UIMC1: variants seen among roughly 807,000 people sequenced by gnomAD.
UIMC1 encodes the protein ubiquitin interaction motif containing 1.
A neutral mutation model predicts 84.9 loss-of-function variants in UIMC1; 42 were observed. The ratio of observed to expected loss-of-function variants is 0.49; its 90% CI spans 0.39 to 0.64. The LOEUF (loss-of-function observed/expected upper bound fraction) is 0.64. Ranked by LOEUF, UIMC1 falls within the 30% of genes least tolerant of loss-of-function variation. The pLI, the probability that UIMC1 is intolerant of heterozygous loss-of-function variation, is 0.00. For missense variants in UIMC1, 825 were observed against 847.6 expected, an observed-to-expected ratio of 0.97 and a Z score of 0.33; for synonymous variants, 281 against 293.0, an observed-to-expected ratio of 0.96 and a Z score of 0.42.
Position 176,951,680 on chromosome 5 carries a change from T to C in UIMC1, c.1340-103A>G, listed in dbSNP as rs567559086. The C allele has an allele frequency of 6.6e-6, 5 of 756,160 alleles. No individual in the cohort carries two copies. The East Asian group carries it at 1.1e-4, about 17-fold the overall frequency. 46.8% of individuals were successfully genotyped at this position (756,160 alleles called of 1,614,324 possible). A position where few individuals can be genotyped will look rare whatever the true frequency, so the allele number is the denominator to read the frequency against. On this transcript the variant is annotated intron_variant, in intron 8 of 14. Coordinates refer to ENST00000511320, the MANE Select transcript of UIMC1 (RefSeq NM_001199298.2). ...TCACCTAAAGTTTAGGATATGACAATACTGTGGTGGCAATATATTAATAGA... is the reference window on the plus strand; with the variant it reads ...TCACCTAAAGTTTAGGATATGACAACACTGTGGTGGCAATATATTAATAGA...
chr5:177,008,616 G>T (rs1368355210), upstream of UIMC1, among the ~76,000 whole-genome samples: 1 of 152,136 alleles, frequency 6.6e-6, no homozygotes, highest in Non-Finnish European at 1.5e-5. Flanking sequence ...CATTGGTGGT[G>T]GCAGCCATTC....
At chr5:176,908,251 A>G (rs2149386531) in intron 12 of UIMC1, among the ~76,000 whole-genome samples, 1 of 152,336 alleles carries the variant, frequency 6.6e-6, no homozygotes, top group South Asian at 2.1e-4. Flanking sequence ...AGGCCAATAC[A>G]TTAAAGGTTA....
chr5:176,956,019 T>C lies in UIMC1; in HGVS notation c.1279A>G (p.Ser427Gly), dbSNP rs1766556776. The change falls in exon 8 of 15, where the codon AGT becomes GGT. Residue 427 changes from serine (S) to glycine (G), a missense_variant. Coordinates refer to ENST00000511320, the MANE Select transcript of UIMC1 (RefSeq NM_001199298.2). ...GGCATAAGGACTAAGCTTCTCTTAC[T>C]GGTCAAAGCAGCAACACTGAAAGAG... Reference protein sequence around the residue: ...PASQSVAALTSKRSLVLMPES... With the variant: ...PASQSVAALTGKRSLVLMPES... 1.2e-6 allele frequency: 2 copies of C among 1,613,616 alleles called. No individual in the cohort carries two copies. Among genetic ancestry groups the C allele is most frequent in the Middle Eastern group, 1.7e-4 (1 of 6,058 alleles).
intron 1 of UIMC1, among the ~76,000 whole-genome samples, chr5:177,002,816 T>TAAA (rs1379581490): frequency 6.6e-6 from 1 of 151,928 alleles, no homozygotes; most frequent in African/African-American, 2.4e-5. Context: ...ATAATAATAA[T>TAAA]AAATATTTGA....
At chr5:177,021,068 A>C (rs1478588235) in intron 1 of UIMC1, among the ~76,000 whole-genome samples, 3 of 152,120 alleles carry the variant, frequency 2.0e-5, no homozygotes, top group Non-Finnish European at 2.9e-5. Flanking sequence ...TTATGAGATC[A>C]GGAGTTTGAG....
chr5:176,989,133 A>T (rs1308802184), intron 1 of UIMC1, among the ~76,000 whole-genome samples: 1 of 152,106 alleles, frequency 6.6e-6, no homozygotes, highest in Non-Finnish European at 1.5e-5. Context: ...ATTACTCCTA[A>T]GGGGGTTGTT....
chr5:176,958,168 C>T lies in UIMC1; in HGVS notation c.1201-14G>A, dbSNP rs369637694. 1.4e-4 allele frequency: 221 copies of T among 1,610,868 alleles called. No individual in the cohort carries two copies. The African/African-American group carries it at 2.0e-3, about 14-fold the overall frequency. Reference sequence around the variant, plus strand: ...CCCTTGGGAAGACTGCAAAGAAATACGTAGTATCTTAAATATACAGGCACA... The same window carrying T: ...CCCTTGGGAAGACTGCAAAGAAATATGTAGTATCTTAAATATACAGGCACA... On this transcript the variant is annotated splice_polypyrimidine_tract_variant and intron_variant, in intron 6 of 14. Transcript: ENST00000511320.
intron 11 of UIMC1, among the ~76,000 whole-genome samples, chr5:176,908,927 C>G (rs1432216553): frequency 6.6e-6 from 1 of 152,240 alleles, no homozygotes; most frequent in African/African-American, 2.4e-5. Context: ...CCTGCTGTTG[C>G]AGCAGTGGGA....
At chr5:176,974,072 A>G (rs551197496) in intron 3 of UIMC1, among the ~76,000 whole-genome samples, 1 of 152,314 alleles carries the variant, frequency 6.6e-6, no homozygotes, top group African/African-American at 2.4e-5. Flanking sequence ...AAACAGTAGT[A>G]ATAAACAAAT....
intron 1 of UIMC1, among the ~76,000 whole-genome samples, chr5:177,016,937 C>T (rs1775686684): frequency 6.6e-6 from 1 of 152,076 alleles, no homozygotes; most frequent in Non-Finnish European, 1.5e-5. Context: ...GCAGGAGAAT[C>T]ACTTGAACCC....
At chr5:176,950,295 T>C (rs1765701583) in intron 9 of UIMC1, among the ~76,000 whole-genome samples, 2 of 150,728 alleles carry the variant, frequency 1.3e-5, no homozygotes, top group Admixed American at 6.6e-5. Flanking sequence ...AGACATGGTT[T>C]CACCATGTTG....
intron 3 of UIMC1, among the ~76,000 whole-genome samples, chr5:176,971,107 T>C (rs1189701183): frequency 1.3e-5 from 2 of 152,238 alleles, no homozygotes; most frequent in African/African-American, 4.8e-5. Flanking sequence ...GCAGAGTTTT[T>C]ACCTACACTG....
chr5:176,933,527 A>ATTTTTT (rs11333768), intron 10 of UIMC1, among the ~76,000 whole-genome samples: 1 of 147,796 alleles, frequency 6.8e-6, no homozygotes, highest in Non-Finnish European at 1.5e-5. Flanking sequence ...GCTAGTTTAG[A>ATTTTTT]TTTTTTTTTT....
In UIMC1 at chr5:176,987,184, G is replaced by C. The variant is rs1332504032; in HGVS notation, c.-8-4561C>G. Among the ~76,000 whole-genome samples the C allele has an allele frequency of 9.9e-4, 149 of 151,122 alleles. 1 individual carries two copies. The highest frequency in any genetic ancestry group is 9.8e-3 in the Admixed American group (148 of 15,150). Reference sequence around the variant, plus strand: ...GCAGTGACCCAAGATCGTGCCATTGGCACTCCAGCCTGGGCGACAAGAGCG... The same window carrying C: ...GCAGTGACCCAAGATCGTGCCATTGCCACTCCAGCCTGGGCGACAAGAGCG... On this transcript the variant is annotated intron_variant, in intron 1 of 14. Transcript: ENST00000511320.
At chr5:176,981,976 G>A (rs1034148978) in intron 2 of UIMC1, among the ~76,000 whole-genome samples, 5 of 152,158 alleles carry the variant, frequency 3.3e-5, no homozygotes, top group African/African-American at 1.2e-4. Flanking sequence ...TGATAAAAAT[G>A]TTGTATAGCT....
chr5:176,930,019 C>T (rs1229627816), intron 10 of UIMC1, among the ~76,000 whole-genome samples: 2 of 152,288 alleles, frequency 1.3e-5, no homozygotes, highest in East Asian at 3.9e-4. Context: ...CTTCTGAAAA[C>T]GTAATGGATG....
upstream of UIMC1, among the ~76,000 whole-genome samples, chr5:177,010,765 C>A (rs756403013): frequency 3.7e-4 from 56 of 152,090 alleles, no homozygotes; most frequent in African/African-American, 1.3e-3. Flanking sequence ...TCAGGTAAGC[C>A]GCCTGCCTCG....
intron 1 of UIMC1, among the ~76,000 whole-genome samples, chr5:176,995,846 A>G (rs1411069182): frequency 7.1e-6 from 1 of 141,068 alleles, no homozygotes; most frequent in African/African-American, 2.7e-5. Flanking sequence ...TCCATCTCAA[A>G]AAAAAAAAAA....
chr5:176,996,781 T>C (rs987249314), intron 1 of UIMC1, among the ~76,000 whole-genome samples: 2 of 152,150 alleles, frequency 1.3e-5, no homozygotes, highest in Admixed American at 6.6e-5. Flanking sequence ...ACAGATGAGA[T>C]GTGGAGTATC....
Sources: gnomAD v4.1 joint callset for allele counts (sites outside exome capture counted in the v4.1 genomes callset) on GRCh38, gnomAD v4.1.1 for gene constraint, MANE v1.5 for transcripts, NCBI Gene and HGNC (gene_info 2026-07-23, HGNC 2026-07-21) for gene names.